Variants in RBFOX1 observed in about 807,000 individuals in gnomAD.
RBFOX1 encodes RNA binding fox-1 homolog 1.
In RBFOX1, 8 loss-of-function variants were observed where a neutral mutation model predicts 57.7. The ratio of observed to expected loss-of-function variants is 0.14; its 90% CI spans 0.08 to 0.25. RBFOX1 has a LOEUF of 0.25. Ranked by LOEUF, RBFOX1 falls within the 10% of genes least tolerant of loss-of-function variation. RBFOX1 has a pLI of 1.00. For synonymous variants in RBFOX1, 326 were observed against 222.4 expected, an observed-to-expected ratio of 1.47 and a Z score of -4.15; for missense variants, 611 against 548.5, an observed-to-expected ratio of 1.11 and a Z score of -1.14.
At chr16:6,510,861 A>G (rs997300568) in intron 2 of RBFOX1, among the ~76,000 whole-genome samples, 1 of 151,634 alleles carries the variant, frequency 6.6e-6, no homozygotes, top group African/African-American at 2.4e-5. Context: ...CCTTAAAAAA[A>G]AAAAAAGGAA....
intron 4 of RBFOX1, among the ~76,000 whole-genome samples, chr16:7,442,000 T>G (rs1294981919): frequency 6.6e-6 from 1 of 152,220 alleles, no homozygotes; most frequent in African/African-American, 2.4e-5. Context: ...TAGCTCTTTG[T>G]CAGCACAAAT....
intron 4 of RBFOX1, among the ~76,000 whole-genome samples, chr16:7,299,978 C>G (rs1456176799): frequency 6.6e-6 from 1 of 152,196 alleles, no homozygotes; most frequent in African/African-American, 2.4e-5. Context: ...CTGTATTAAA[C>G]AAATGTGAGG....
At chr16:6,440,241 TA>T (rs1319364938) in intron 2 of RBFOX1, among the ~76,000 whole-genome samples, 1 of 152,086 alleles carries the variant, frequency 6.6e-6, no homozygotes, top group Admixed American at 6.6e-5. Flanking sequence ...CATTTCTAAA[TA>T]TACATGTATT....
chr16:5,801,701 C>T (rs573347807), intron 3 of RBFOX1, among the ~76,000 whole-genome samples: 3 of 152,222 alleles, frequency 2.0e-5, no homozygotes, highest in Admixed American at 1.3e-4. Flanking sequence ...GCACAATGTG[C>T]CTTTGATAGA....
intron 14 of RBFOX1, among the ~76,000 whole-genome samples, chr16:7,681,245 A>G (rs2074657643): frequency 6.6e-6 from 1 of 152,212 alleles, no homozygotes; most frequent in South Asian, 2.1e-4. Context: ...GTAGATGGAT[A>G]GATGGAGATA....
chr16:7,136,529 C>G (rs1202314778), intron 4 of RBFOX1, among the ~76,000 whole-genome samples: 1 of 151,452 alleles, frequency 6.6e-6, no homozygotes, highest in East Asian at 1.9e-4. Flanking sequence ...ACCTCATCCG[C>G]TCGAGTAGCT....
intron 3 of RBFOX1, among the ~76,000 whole-genome samples, chr16:6,832,589 C>G (rs536074172): frequency 6.6e-6 from 1 of 152,188 alleles, no homozygotes; most frequent in Non-Finnish European, 1.5e-5. Flanking sequence ...CAGCCGCAGA[C>G]GGAAAGTGAA....
rs887858 is a variant in RBFOX1 at position 6,603,434 on chromosome 16, T to C, written c.-63-51169T>C. On this transcript the variant is annotated intron_variant, in intron 2 of 15. Transcript: ENST00000550418. The stretch of plus-strand genomic sequence containing the variant: ...TCTCCTGCACAAAACAAAAATCTTT[T>C]TGTGTTATCAAAATGGACTGTTGAT... 9.7e-3 allele frequency among the ~76,000 whole-genome samples: 1,475 copies of C among 152,324 alleles called. 19 individuals carry two copies. The highest frequency in any genetic ancestry group is 0.034 in the African/African-American group (1,416 of 41,578).
At chr16:7,656,683 C>A (rs1452906253) in intron 12 of RBFOX1, among the ~76,000 whole-genome samples, 1 of 152,124 alleles carries the variant, frequency 6.6e-6, no homozygotes, top group East Asian at 1.9e-4. Context: ...TGACTCACAC[C>A]TATTGTGTTT....
chr16:7,525,268 T>G (rs1053961359), intron 5 of RBFOX1, among the ~76,000 whole-genome samples: 1 of 152,166 alleles, frequency 6.6e-6, no homozygotes, highest in African/African-American at 2.4e-5. Flanking sequence ...TTCTGTATCA[T>G]ATTTAGGGGT....
chr16:7,700,878 G>T (rs990709075), intron 14 of RBFOX1, among the ~76,000 whole-genome samples: 2 of 152,150 alleles, frequency 1.3e-5, no homozygotes, highest in Non-Finnish European at 2.9e-5. Context: ...GAGAAAAGAT[G>T]ATGTGATCTG....
intron 5 of RBFOX1, among the ~76,000 whole-genome samples, chr16:7,554,931 G>A (rs533101346): frequency 3.9e-5 from 6 of 152,238 alleles, no homozygotes; most frequent in Non-Finnish European, 7.4e-5. Flanking sequence ...ATTAGCATTC[G>A]TAGTAATAAA....
intron 1 of RBFOX1, among the ~76,000 whole-genome samples, chr16:5,354,244 T>C (rs1295287741): frequency 1.3e-5 from 2 of 152,332 alleles, no homozygotes; most frequent in East Asian, 1.9e-4. Context: ...CTCTGGTCTT[T>C]CTGTGTCTGT....
chr16:7,493,382 C>G (rs1007844004), intron 4 of RBFOX1, among the ~76,000 whole-genome samples: 7 of 152,208 alleles, frequency 4.6e-5, no homozygotes, highest in African/African-American at 1.7e-4. Flanking sequence ...TTGCAATAGA[C>G]TCAGTAACGC....
intron 3 of RBFOX1, among the ~76,000 whole-genome samples, chr16:6,975,977 A>G (rs1438388535): frequency 6.6e-6 from 1 of 152,032 alleles, no homozygotes; most frequent in East Asian, 1.9e-4. Flanking sequence ...AAATACAAAA[A>G]TTAGCCAGGC....
intron 3 of RBFOX1, among the ~76,000 whole-genome samples, chr16:6,698,730 A>T (rs985211708): frequency 6.6e-6 from 1 of 152,144 alleles, no homozygotes; most frequent in Non-Finnish European, 1.5e-5. Context: ...GCCGTTCTCA[A>T]ATCCCACATC....
At position 6,881,186 on chromosome 16, in the gene RBFOX1, C is replaced by T. The variant is rs959357685; in HGVS notation, c.-15-170871C>T. ...ACACAAAATGAAACCCATTTGCTCT[C>T]CCAAGCTCACAGGCAAGGAGAATAG... On this transcript the variant is annotated intron_variant, in intron 3 of 15. Transcript: ENST00000550418. Among the ~76,000 whole-genome samples, 6 of 152,156 alleles carry T rather than the reference C, an allele frequency of 3.9e-5. No homozygotes were observed. In the South Asian group the frequency reaches 8.3e-4, roughly 21 times the overall value.
intron 3 of RBFOX1, among the ~76,000 whole-genome samples, chr16:6,849,579 G>A (rs997383020): frequency 1.3e-5 from 2 of 152,184 alleles, no homozygotes; most frequent in Non-Finnish European, 2.9e-5. Flanking sequence ...TGAGACAGGA[G>A]AATTGCTTGA....
intron 3 of RBFOX1, among the ~76,000 whole-genome samples, chr16:5,668,300 A>T (rs2049911318): frequency 6.8e-6 from 1 of 147,048 alleles, no homozygotes; most frequent in Non-Finnish European, 1.5e-5. Flanking sequence ...AAAAACACCA[A>T]TTTAAAAAAA....
Sources: allele counts gnomAD v4.1 joint callset (sites outside exome capture counted in the v4.1 genomes callset), GRCh38; gene constraint gnomAD v4.1.1; transcripts MANE v1.5; gene names NCBI Gene and HGNC (gene_info 2026-07-23, HGNC 2026-07-21).